SLC24A3: variants seen among roughly 807,000 people sequenced by gnomAD.
SLC24A3 encodes solute carrier family 24 member 3.
In SLC24A3, 28 loss-of-function variants were observed where a neutral mutation model predicts 75.8. The observed-to-expected ratio is 0.37, with a 90% CI of 0.27 to 0.51. SLC24A3 has a LOEUF of 0.51. Ranked by LOEUF, SLC24A3 falls within the 20% of genes least tolerant of loss-of-function variation. The pLI is 0.94. For missense variants in SLC24A3, 663 were observed against 847.8 expected (o/e 0.78, Z 2.71); for synonymous variants, 372 against 334.1 (o/e 1.11, Z -1.24).
chr20:19,613,069 A>G (rs138389764), intron 6 of SLC24A3, among the ~76,000 whole-genome samples: 109 of 152,284 alleles, frequency 7.2e-4, no homozygotes, highest in African/African-American at 2.6e-3. Context: ...TCCAAATGTC[A>G]CCATCTTGGT....
chr20:19,544,974 C>G (rs539841935), intron 3 of SLC24A3, among the ~76,000 whole-genome samples: 2 of 152,208 alleles, frequency 1.3e-5, no homozygotes, highest in Non-Finnish European at 2.9e-5. Context: ...GCGGCCTCCT[C>G]CTAGCACCAG....
At chr20:19,300,681 G>A (rs1036805296) in intron 2 of SLC24A3, among the ~76,000 whole-genome samples, 9 of 152,244 alleles carry the variant, frequency 5.9e-5, no homozygotes, top group South Asian at 2.1e-4. Flanking sequence ...CCTTCGGTGC[G>A]ATGACTGACT....
chr20:19,563,437 C>A (rs778475019), intron 3 of SLC24A3, among the ~76,000 whole-genome samples: 9 of 152,168 alleles, frequency 5.9e-5, no homozygotes, highest in South Asian at 4.1e-4. Context: ...GAATTGTTTG[C>A]AGAATATTGA....
At chr20:19,386,986 T>G (rs371368163) in intron 2 of SLC24A3, among the ~76,000 whole-genome samples, 1 of 152,182 alleles carries the variant, frequency 6.6e-6, no homozygotes, top group Non-Finnish European at 1.5e-5. Flanking sequence ...GGCTTTTCTT[T>G]ATTGGGAATT....
intron 3 of SLC24A3, among the ~76,000 whole-genome samples, chr20:19,534,059 G>T (rs955174200): frequency 1.7e-4 from 26 of 152,214 alleles, no homozygotes; most frequent in Non-Finnish European, 3.2e-4. Context: ...TGAGATTCCG[G>T]AAGCCTTTGA....
At chr20:19,354,675 A>G (rs1249576998) in intron 2 of SLC24A3, among the ~76,000 whole-genome samples, 4 of 151,666 alleles carry the variant, frequency 2.6e-5, no homozygotes, top group African/African-American at 7.3e-5. Context: ...ATCATTAGTC[A>G]TTAGGAAATG....
chr20:19,539,401 A>G (rs932264411), intron 3 of SLC24A3, among the ~76,000 whole-genome samples: 3 of 152,198 alleles, frequency 2.0e-5, no homozygotes, highest in African/African-American at 7.2e-5. Context: ...AAGTTGGCAG[A>G]GACACAGCTT....
chr20:19,352,353 C>T (rs983157134), intron 2 of SLC24A3, among the ~76,000 whole-genome samples: 15 of 152,104 alleles, frequency 9.9e-5, no homozygotes, highest in Non-Finnish European at 1.5e-4. Context: ...GCTGGCACTG[C>T]GGTACCAACC....
At chr20:19,689,177 C>T (rs2032716374) in intron 12 of SLC24A3, among the ~76,000 whole-genome samples, 1 of 152,102 alleles carries the variant, frequency 6.6e-6, no homozygotes. Flanking sequence ...TTTTCCAAAG[C>T]AAAATTATGT....
At chr20:19,601,288 CA>C (rs1238412706) in intron 6 of SLC24A3, among the ~76,000 whole-genome samples, 3 of 152,190 alleles carry the variant, frequency 2.0e-5, no homozygotes, top group African/African-American at 7.2e-5. Flanking sequence ...CCCTCTTGCC[CA>C]GAAGCTCCAG....
intron 2 of SLC24A3, among the ~76,000 whole-genome samples, chr20:19,415,785 A>G (rs1016804357): frequency 2.0e-5 from 3 of 152,208 alleles, no homozygotes; most frequent in Non-Finnish European, 4.4e-5. Context: ...TTCCAATTCC[A>G]GGAGGGGAAA....
intron 2 of SLC24A3, among the ~76,000 whole-genome samples, chr20:19,500,641 T>G (rs1184677786): frequency 6.6e-6 from 1 of 152,214 alleles, no homozygotes; most frequent in African/African-American, 2.4e-5. Context: ...ATATAATATA[T>G]GAGAAAACAT....
At chr20:19,364,742 AC>A (rs1320606079) in intron 2 of SLC24A3, among the ~76,000 whole-genome samples, 2 of 152,078 alleles carry the variant, frequency 1.3e-5, no homozygotes, top group African/African-American at 2.4e-5. Flanking sequence ...GGCATGAGCC[AC>A]CGTACCTGGC....
intron 1 of SLC24A3, among the ~76,000 whole-genome samples, chr20:19,269,542 G>A (rs879122191): frequency 6.6e-6 from 1 of 152,210 alleles, no homozygotes; most frequent in Non-Finnish European, 1.5e-5. Context: ...ATTAAATTGT[G>A]GGTGCACCTG....
At chr20:19,352,698 G>A (rs1476872239) in intron 2 of SLC24A3, among the ~76,000 whole-genome samples, 1 of 152,192 alleles carries the variant, frequency 6.6e-6, no homozygotes, top group Non-Finnish European at 1.5e-5. Context: ...ATTGCTGCCT[G>A]GACCAGAGAC....
At chr20:19,659,629 A>G (rs1451059357) in intron 7 of SLC24A3, among the ~76,000 whole-genome samples, 2 of 152,218 alleles carry the variant, frequency 1.3e-5, no homozygotes, top group African/African-American at 2.4e-5. Context: ...TGTGAGTCCC[A>G]CGTTAGAGAT....
chr20:19,320,521 T>G (rs6132190), intron 2 of SLC24A3, among the ~76,000 whole-genome samples: 1 of 152,140 alleles, frequency 6.6e-6, no homozygotes, highest in East Asian at 1.9e-4. Context: ...CCACATCCTA[T>G]GCAGGGGCTT....
At chr20:19,332,861 G>A (rs1283790279) in intron 2 of SLC24A3, among the ~76,000 whole-genome samples, 3 of 152,174 alleles carry the variant, frequency 2.0e-5, no homozygotes, top group East Asian at 3.8e-4. Context: ...TGTGCTACCA[G>A]CCACCCTCAT....
At chr20:19,423,955 G>T (rs1282760418) in intron 2 of SLC24A3, among the ~76,000 whole-genome samples, 1 of 152,138 alleles carries the variant, frequency 6.6e-6, no homozygotes, top group Non-Finnish European at 1.5e-5. Context: ...CTCACAAAGA[G>T]TCTTGTCTGA....
Sources: gnomAD v4.1 joint callset for allele counts (sites outside exome capture counted in the v4.1 genomes callset) on GRCh38, gnomAD v4.1.1 for gene constraint, MANE v1.5 for transcripts, NCBI Gene and HGNC (gene_info 2026-07-23, HGNC 2026-07-21) for gene names.